ABHD6: variants seen among roughly 807,000 people sequenced by gnomAD.
ABHD6 encodes abhydrolase domain containing 6, acylglycerol lipase.
Under a neutral mutation model 38.8 loss-of-function variants are expected in ABHD6, and 33 were observed. The observed-to-expected ratio is 0.85, with a 90% CI of 0.64 to 1.14. The LOEUF (loss-of-function observed/expected upper bound fraction) is 1.14. ABHD6 is among the 50% of genes most tolerant of loss of function. The probability of loss-of-function intolerance (pLI) is 0.00; values close to 1 mark genes in which losing one functional copy is unlikely to be tolerated. For missense variants in ABHD6, 380 were observed against 422.6 expected, an observed-to-expected ratio of 0.90 and a Z score of 0.88; for synonymous variants, 147 against 161.6, an observed-to-expected ratio of 0.91 and a Z score of 0.69.
intron 1 of ABHD6, among the ~76,000 whole-genome samples, chr3:58,248,157 A>G (rs2097427688): frequency 6.6e-6 from 1 of 152,112 alleles, no homozygotes; most frequent in Non-Finnish European, 1.5e-5. Flanking sequence ...TGTACCTTGG[A>G]GGTCATTACC....
At chr3:58,242,165 G>C (rs886773228) in intron 1 of ABHD6, among the ~76,000 whole-genome samples, 3 of 152,152 alleles carry the variant, frequency 2.0e-5, no homozygotes, top group Non-Finnish European at 4.4e-5. Context: ...CGGCATGTCT[G>C]GGGGTTGCAG....
chr3:58,265,222 T>C lies in ABHD6; in HGVS notation c.120-1967T>C, dbSNP rs116327361. On this transcript the variant is annotated intron_variant, in intron 3 of 9. Transcript: ENST00000478253. The surrounding 1 kb of genome is among the most constrained non-coding windows in gnomAD (Gnocchi z 4.2). ...AGTTCCATCCATGTTGGTGCACTAT[T>C]CATATTTTTAATTACTAGTGAACTT... Among the ~76,000 whole-genome samples the C allele has an allele frequency of 5.7e-3, 871 of 152,348 alleles. 7 individuals carry two copies. Among genetic ancestry groups the C allele is most frequent in the Non-Finnish European group, 0.011 (719 of 68,022 alleles).
intron 3 of ABHD6, among the ~76,000 whole-genome samples, chr3:58,264,387 GCACACACA>G (rs61099164): frequency 0.12 from 16,278 of 132,214 alleles, 1,622 homozygotes; most frequent in East Asian, 0.39. Context: ...TTATATAAAC[GCACACACA>G]CACACACACA....
intron 7 of ABHD6, among the ~76,000 whole-genome samples, chr3:58,279,427 T>C (rs28846742): frequency 0.22 from 14,211 of 63,790 alleles, 778 homozygotes; most frequent in African/African-American, 0.45. Flanking sequence ...CAACCCTGCT[T>C]TTTTTTTGCT....
chr3:58,283,050 G>T (rs2097454439), intron 7 of ABHD6, among the ~76,000 whole-genome samples: 2 of 152,198 alleles, frequency 1.3e-5, no homozygotes, highest in Non-Finnish European at 2.9e-5. Flanking sequence ...TGTTGTAGGA[G>T]CTGGACCCTG....
Position 58,265,003 on chromosome 3 carries a change from A to T in ABHD6, c.120-2186A>T, listed in dbSNP as rs1575522028. Among the ~76,000 whole-genome samples the T allele has an allele frequency of 6.6e-6, 1 of 151,512 alleles. No homozygotes were observed. The highest frequency in any genetic ancestry group is 1.5e-5 in the Non-Finnish European group (1 of 67,890). Reference sequence around the variant, plus strand: ...ATAGTAGGTCTTATTCATTCTTTCTATTTTTTTTGTACCCATTAACCATCC... The same window carrying T: ...ATAGTAGGTCTTATTCATTCTTTCTTTTTTTTTTGTACCCATTAACCATCC... On this transcript the variant is annotated intron_variant, in intron 3 of 9. Transcript: ENST00000478253. The surrounding 1 kb of genome is among the most constrained non-coding windows in gnomAD (Gnocchi z 4.2).
Position 58,286,929 on chromosome 3 carries a change from A to G in ABHD6, c.837+1476A>G, listed in dbSNP as rs2097457905. 1.4e-5 allele frequency among the ~76,000 whole-genome samples: 2 copies of G among 145,096 alleles called. 1 individual carries two copies. Among genetic ancestry groups the G allele is most frequent in the African/African-American group, 5.0e-5 (2 of 39,758 alleles). ...ATTTTATATCAGCCCAAACAAATCTATTCCTTCTATTCTTAAAAAAATTTT... is the reference window on the plus strand; with the variant it reads ...ATTTTATATCAGCCCAAACAAATCTGTTCCTTCTATTCTTAAAAAAATTTT... On this transcript the variant is annotated intron_variant, in intron 9 of 9. Transcript: ENST00000478253.
At chr3:58,248,703 A>T (rs2097428041) in intron 1 of ABHD6, among the ~76,000 whole-genome samples, 1 of 151,886 alleles carries the variant, frequency 6.6e-6, no homozygotes, top group African/African-American at 2.4e-5. Flanking sequence ...TATCTCAAAG[A>T]AAAAAAAAGA....
At chr3:58,283,484 G>A (rs1341305100) in intron 7 of ABHD6, among the ~76,000 whole-genome samples, 1 of 152,234 alleles carries the variant, frequency 6.6e-6, no homozygotes, top group East Asian at 1.9e-4. Flanking sequence ...CTTTAGCACA[G>A]TGCTTGCATG....
chr3:58,255,621 A>G (rs2097432717), intron 2 of ABHD6, among the ~76,000 whole-genome samples: 1 of 151,474 alleles, frequency 6.6e-6, no homozygotes, highest in Admixed American at 6.6e-5. Context: ...ACCATGCCCA[A>G]CCTGTCCTCC....
Position 58,259,716 on chromosome 3 carries a change from A to T in ABHD6, c.119+3011A>T, listed in dbSNP as rs893182336. Reference sequence around the variant, plus strand: ...ATAAATGAAACATAAATATAAATGTAAATAAATAAAATGTACAATTCAGTG... The same window carrying T: ...ATAAATGAAACATAAATATAAATGTTAATAAATAAAATGTACAATTCAGTG... On this transcript the variant is annotated intron_variant, in intron 3 of 9. Transcript: ENST00000478253. This position sits in a 1 kb window ranked among gnomAD's most constrained non-coding sequence, Gnocchi z 4.7. Among the ~76,000 whole-genome samples the T allele has an allele frequency of 6.6e-6, 1 of 152,162 alleles. No individual in the cohort carries two copies.
intron 1 of ABHD6, among the ~76,000 whole-genome samples, chr3:58,239,640 G>A (rs1248325066): frequency 6.6e-6 from 1 of 152,090 alleles, no homozygotes; most frequent in Non-Finnish European, 1.5e-5. Context: ...CTTTTAAAAT[G>A]TGTGACCTTT....
In ABHD6 at chr3:58,287,802, T is replaced by A. The variant is rs1366346839; in HGVS notation, c.837+2349T>A. On this transcript the variant is annotated intron_variant, in intron 9 of 9. Transcript: ENST00000478253. This position sits in a 1 kb window ranked among gnomAD's most constrained non-coding sequence, Gnocchi z 4.7. The stretch of plus-strand genomic sequence containing the variant: ...AGTCTATGTTCCAGCCCTACTTTTG[T>A]CCTTGGTCAGCCCATGCATGACCTT... Among the ~76,000 whole-genome samples, 3 of 152,220 alleles carry A rather than the reference T, an allele frequency of 2.0e-5. No homozygotes were observed. Among genetic ancestry groups the A allele is most frequent in the African/African-American group, 7.2e-5 (3 of 41,452 alleles).
chr3:58,247,037 G>A (rs1257584254), intron 1 of ABHD6, among the ~76,000 whole-genome samples: 5 of 135,456 alleles, frequency 3.7e-5, no homozygotes, highest in African/African-American at 1.1e-4. Context: ...TCTCTAATGG[G>A]CCTTTTTTTT....
chr3:58,292,120 T>A (rs2097463697), intron 9 of ABHD6, among the ~76,000 whole-genome samples: 1 of 152,236 alleles, frequency 6.6e-6, no homozygotes, highest in East Asian at 1.9e-4. Context: ...GGCAGAGGTT[T>A]CCATTTCCTT....
chr3:58,263,646 C>G lies in ABHD6; in HGVS notation c.120-3543C>G, dbSNP rs1575521306. Among the ~76,000 whole-genome samples, 2 of 152,330 alleles carry G rather than the reference C, an allele frequency of 1.3e-5. No homozygotes were observed. The highest frequency in any genetic ancestry group is 2.1e-4 in the South Asian group (1 of 4,834). Reference sequence around the variant, plus strand: ...CCTCTGCTGTCTCTACCTCCTGGCACACCTTCTCCAGCTTCCAGCTGATGT... The same window carrying G: ...CCTCTGCTGTCTCTACCTCCTGGCAGACCTTCTCCAGCTTCCAGCTGATGT... On this transcript the variant is annotated intron_variant, in intron 3 of 9. Coordinates refer to ENST00000478253, the MANE Select transcript of ABHD6 (RefSeq NM_001320126.2). The surrounding 1 kb of genome is among the most constrained non-coding windows in gnomAD (Gnocchi z 4.9).
At chr3:58,284,164 C>G (rs757918225) in intron 7 of ABHD6, among the ~76,000 whole-genome samples, 1 of 152,192 alleles carries the variant, frequency 6.6e-6, no homozygotes, top group Non-Finnish European at 1.5e-5. Flanking sequence ...CCAGCCACCA[C>G]TACCTCTTTG....
At chr3:58,249,132 T>C (rs1202206921) in intron 1 of ABHD6, among the ~76,000 whole-genome samples, 1 of 152,220 alleles carries the variant, frequency 6.6e-6, no homozygotes, top group Admixed American at 6.5e-5. Flanking sequence ...AATTTTAATC[T>C]TATTTATGGT....
At position 58,294,017 on chromosome 3, in the gene ABHD6, A is replaced by C; in HGVS notation, c.*252A>C. 1.1e-5 allele frequency: 4 copies of C among 369,178 alleles called. No individual in the cohort carries two copies. The highest frequency in any genetic ancestry group is 6.4e-5 in the South Asian group (1 of 15,620). 22.9% of individuals were successfully genotyped at this position (369,178 alleles called of 1,614,324 possible). A position where few individuals can be genotyped will look rare whatever the true frequency, so the allele number is the denominator to read the frequency against. On this transcript the variant is annotated 3_prime_UTR_variant, in exon 10 of 10. Coordinates refer to ENST00000478253, the MANE Select transcript of ABHD6 (RefSeq NM_001320126.2). ...AGAAACCCCAGCCATGAAATCTACCATGAAGTCTTCAAGTTCATGTCACTG... is the reference window on the plus strand; with the variant it reads ...AGAAACCCCAGCCATGAAATCTACCCTGAAGTCTTCAAGTTCATGTCACTG...
Sources: allele counts gnomAD v4.1 joint callset (sites outside exome capture counted in the v4.1 genomes callset), GRCh38; gene constraint gnomAD v4.1.1; non-coding constraint Gnocchi (gnomAD v3.1); transcripts MANE v1.5; gene names NCBI Gene and HGNC (gene_info 2026-07-23, HGNC 2026-07-21).